DGKK: variants seen among roughly 807,000 people sequenced by gnomAD.
The protein encoded by DGKK is 142 kDa diacylglycerol kinase.
In DGKK, 35 loss-of-function variants were observed where a neutral mutation model predicts 92.2. The observed-to-expected ratio is 0.38, with a 90% CI of 0.29 to 0.50. DGKK has a LOEUF of 0.50. DGKK is among the 20% of genes least tolerant of loss of function. The pLI is 0.92. For missense variants in DGKK, 910 were observed against 992.2 expected (o/e 0.92, Z 1.11); for synonymous variants, 368 against 360.6 (o/e 1.02, Z -0.23).
chrX:50,458,836 T>G (rs1557233069), intron 1 of DGKK, among the ~76,000 whole-genome samples: 1 of 111,705 alleles, frequency 9.0e-6, no homozygotes, highest in African/African-American at 3.3e-5. Context: ...TACCCTATGA[T>G]TCCCTGGCCC....
In DGKK at chrX:50,368,872, T is replaced by C; in HGVS notation, c.*68A>G. The C allele has an allele frequency of 1.1e-6, 1 of 917,140 alleles. No homozygotes were observed. The highest frequency in any genetic ancestry group is 1.6e-6 in the Non-Finnish European group (1 of 640,641). 75.6% of individuals were successfully genotyped at this position (917,140 alleles called of 1,213,427 possible). On this transcript the variant is annotated 3_prime_UTR_variant, in exon 28 of 28. Coordinates refer to ENST00000611977, the MANE Select transcript of DGKK (RefSeq NM_001013742.4). ...TGTTCTGAAATGATTTAGTCTAGCC[T>C]GTATTGAGGTTTTGAGAGTTTTTTT...
intron 10 of DGKK, among the ~76,000 whole-genome samples, chrX:50,392,132 T>C (rs971274893): frequency 1.8e-5 from 2 of 112,624 alleles, no homozygotes; most frequent in Non-Finnish European, 3.8e-5. Context: ...CTGCTCGTTC[T>C]TTCTGTCGAT....
intron 1 of DGKK, among the ~76,000 whole-genome samples, chrX:50,446,831 T>C (rs1362673585): frequency 9.0e-6 from 1 of 111,272 alleles, no homozygotes; most frequent in African/African-American, 3.3e-5. Context: ...TTCTTTCTGC[T>C]GTCTTTCATG....
At chrX:50,414,142 TG>T (rs1168318536) in intron 4 of DGKK, among the ~76,000 whole-genome samples, 1 of 111,416 alleles carries the variant, frequency 9.0e-6, no homozygotes, top group Non-Finnish European at 1.9e-5. Context: ...CATTTATATA[TG>T]GAATCTGATA....
chrX:50,376,417 G>A (rs1924273691), intron 23 of DGKK, among the ~76,000 whole-genome samples: 1 of 111,611 alleles, frequency 9.0e-6, no homozygotes, highest in Admixed American at 9.5e-5. Context: ...ATTTGGGGAG[G>A]GTAGAAGGCT....
At chrX:50,440,041 T>C (rs941557438) in intron 1 of DGKK, among the ~76,000 whole-genome samples, 9 of 111,701 alleles carry the variant, frequency 8.1e-5, no homozygotes, top group Non-Finnish European at 1.9e-5. Context: ...ATTTAGCACA[T>C]TGACATTTCG....
At chrX:50,466,677 G>A (rs1223777735) in intron 1 of DGKK, among the ~76,000 whole-genome samples, 2 of 111,805 alleles carry the variant, frequency 1.8e-5, no homozygotes, top group African/African-American at 6.5e-5. Flanking sequence ...TTCAGCAAGT[G>A]TTTATTAAGC....
At position 50,470,125 on chromosome X, in the gene DGKK, G is replaced by T; in HGVS notation, c.554C>A (p.Pro185Gln). Residue 185 changes from proline to glutamine, a missense_variant, in exon 1 of 28, where the codon CCG (proline) becomes CAG (glutamine). By Grantham distance (76) the Pro-to-Gln change is moderately conservative (BLOSUM62 -1). Coordinates refer to ENST00000611977, the MANE Select transcript of DGKK (RefSeq NM_001013742.4). ...PSPAPCLLQC[P>Q]VDTRERGLKT... Reference sequence around the variant, plus strand: ...TAGACCTCTCTCTCGAGTGTCCACCGGACATTGCAATAGACATGGTGCTGG... The same window carrying T: ...TAGACCTCTCTCTCGAGTGTCCACCTGACATTGCAATAGACATGGTGCTGG... 1.6e-6 allele frequency: 2 copies of T among 1,212,166 alleles called. No homozygotes were observed. Among genetic ancestry groups the T allele is most frequent in the East Asian group, 5.9e-5 (2 of 33,840 alleles).
rs782086851 is a variant in DGKK at position 50,404,018 on chromosome X, G to A, written c.1078+31C>T. The A allele has an allele frequency of 3.3e-6, 4 of 1,201,522 alleles. No individual in the cohort carries two copies. In the Admixed American group the frequency reaches 8.9e-5, roughly 27 times the overall value. ...CTTCATCCCTATATCTACCCACTGA[G>A]CTTCACTTCCTAAAGGAATCAGAAA... On this transcript the variant is annotated intron_variant, in intron 5 of 27. Transcript: ENST00000611977.
chrX:50,452,492 C>A (rs1557232547), intron 1 of DGKK, among the ~76,000 whole-genome samples: 1 of 112,162 alleles, frequency 8.9e-6, no homozygotes, highest in Non-Finnish European at 1.9e-5. Context: ...TAATGCTCAA[C>A]AAGAGGCAGT....
At position 50,366,443 on chromosome X, in the gene DGKK, C is replaced by G. The variant is rs1255052667; in HGVS notation, c.*2497G>C. On this transcript the variant is annotated 3_prime_UTR_variant, in exon 28 of 28. Coordinates refer to ENST00000611977, the MANE Select transcript of DGKK (RefSeq NM_001013742.4). ...GGTTTCAGTCAATATCATTCTGACT[C>G]AGAGTGGGAGGACAGGGTAGGTGAA... 1 of 111,731 alleles carries G rather than the reference C, an allele frequency of 9.0e-6. No individual in the cohort carries two copies. The highest frequency in any genetic ancestry group is 1.9e-5 in the Non-Finnish European group (1 of 53,201). The allele number at this position is 111,731 out of a possible 1,213,427, so 9.2% of individuals were successfully genotyped here. A position where few individuals can be genotyped will look rare whatever the true frequency, so the allele number is the denominator to read the frequency against.
intron 1 of DGKK, among the ~76,000 whole-genome samples, chrX:50,453,999 A>T (rs1266238934): frequency 9.1e-6 from 1 of 110,226 alleles, no homozygotes; most frequent in Non-Finnish European, 1.9e-5. Flanking sequence ...GGCTTAAAAA[A>T]AAAAAGAAAG....
intron 4 of DGKK, among the ~76,000 whole-genome samples, chrX:50,404,621 T>C (rs1301916767): frequency 1.8e-5 from 2 of 109,753 alleles, no homozygotes; most frequent in African/African-American, 6.6e-5. Context: ...AATTTTTGTA[T>C]TTTTAGTAGA....
intron 1 of DGKK, among the ~76,000 whole-genome samples, chrX:50,444,915 G>A (rs1349296441): frequency 2.7e-5 from 3 of 111,038 alleles, no homozygotes; most frequent in African/African-American, 9.8e-5. Context: ...CACCAAAAAT[G>A]TATAAGTGTT....
At position 50,420,857 on chromosome X, in the gene DGKK, A is replaced by C. The variant is rs147867619; in HGVS notation, c.838-350T>G. 7.8e-3 allele frequency among the ~76,000 whole-genome samples: 876 copies of C among 111,766 alleles called. 10 individuals are homozygous for C. The highest frequency in any genetic ancestry group is 0.028 in the African/African-American group (853 of 30,789). On this transcript the variant is annotated intron_variant, in intron 3 of 27. Coordinates refer to ENST00000611977, the MANE Select transcript of DGKK (RefSeq NM_001013742.4). ...GAGAAAACCAAGACAAAAAGAGTTA[A>C]ATGATTTGCTCAGGGTCACCCAGCA...
rs1602265210 is a variant in DGKK, at chrX:50,373,875, T to C, written c.3501+1096A>G. 2.7e-5 allele frequency among the ~76,000 whole-genome samples: 3 copies of C among 112,223 alleles called. No individual in the cohort carries two copies. The Admixed American group carries it at 2.8e-4, about 11-fold the overall frequency. ...TATGGGTTTTGCATTCTGAGAAACA[T>C]GCAACTAGCCTTCTAGCCCAAAAAT... On this transcript the variant is annotated intron_variant, in intron 25 of 27. Coordinates refer to ENST00000611977, the MANE Select transcript of DGKK (RefSeq NM_001013742.4).
intron 1 of DGKK, among the ~76,000 whole-genome samples, chrX:50,449,514 C>T (rs1926445910): frequency 9.0e-6 from 1 of 111,376 alleles, no homozygotes; most frequent in Non-Finnish European, 1.9e-5. Flanking sequence ...ATAGAAGCCA[C>T]ATGCCAGAGA....
chrX:50,426,564 G>T (rs1925747144), intron 1 of DGKK, among the ~76,000 whole-genome samples: 2 of 110,845 alleles, frequency 1.8e-5, no homozygotes, highest in Admixed American at 1.9e-4. Context: ...TGGTTATTCA[G>T]AGCCTACTCC....
chrX:50,379,639 G>A lies in DGKK; in HGVS notation c.2850C>T (p.Asn950=), dbSNP rs375101569. The A allele has an allele frequency of 7.0e-5, 85 of 1,207,858 alleles. No individual in the cohort carries two copies. The African/African-American group carries it at 1.4e-3, about 20-fold the overall frequency. Residue 950 remains asparagine, a synonymous_variant, in exon 20 of 28, where the codon AAC becomes AAT. Transcript: ENST00000611977. ...GTTCCATACTAACCGTGGTTGCTGTGTTGCTTCCCCAGAAGTTGATACCTC... is the reference window on the plus strand; with the variant it reads ...GTTCCATACTAACCGTGGTTGCTGTATTGCTTCCCCAGAAGTTGATACCTC... ...YAGGINFWGS[N]TATTEYEAPA...
Sources: gnomAD v4.1 joint callset for allele counts (sites outside exome capture counted in the v4.1 genomes callset) on GRCh38, gnomAD v4.1.1 for gene constraint, MANE v1.5 for transcripts, NCBI Gene and HGNC (gene_info 2026-07-23, HGNC 2026-07-21) for gene names.